MSRB3: variants seen among roughly 807,000 people sequenced by gnomAD.
MSRB3 encodes the protein methionine sulfoxide reductase B3.
MSRB3 carries 13 observed loss-of-function variants against 21.0 expected under a neutral mutation model. That is an observed-to-expected ratio of 0.62 (90% confidence interval 0.40 to 0.98). The LOEUF is 0.98. Ranked by LOEUF, MSRB3 falls within the 50% of genes least tolerant of loss-of-function variation. The pLI is 0.00. For synonymous variants in MSRB3, 87 were observed against 88.6 expected (o/e 0.98, Z 0.10); for missense variants, 199 against 230.3 (o/e 0.86, Z 0.88).
At chr12:65,324,523 T>A (rs1025566864) in intron 2 of MSRB3, among the ~76,000 whole-genome samples, 1 of 152,224 alleles carries the variant, frequency 6.6e-6, no homozygotes, top group Admixed American at 6.5e-5. Context: ...AAAGCTTTTA[T>A]GTTTGTATTA....
intron 5 of MSRB3, among the ~76,000 whole-genome samples, chr12:65,413,577 T>C (rs1261375504): frequency 6.6e-6 from 1 of 152,156 alleles, no homozygotes; most frequent in Non-Finnish European, 1.5e-5. Context: ...TCATCCCTCA[T>C]TCAGTAATCC....
chr12:65,397,500 A>T (rs1879877817), intron 5 of MSRB3, among the ~76,000 whole-genome samples: 1 of 151,044 alleles, frequency 6.6e-6, no homozygotes, highest in African/African-American at 2.4e-5. Flanking sequence ...GTTTTCCATT[A>T]TTTTCCTGCC....
At chr12:65,354,418 C>T (rs12305086) in intron 4 of MSRB3, among the ~76,000 whole-genome samples, 6,412 of 151,968 alleles carry the variant, frequency 0.042, 439 homozygotes, top group African/African-American at 0.15. Flanking sequence ...AGGCTTTGTT[C>T]GTTTCTTTTT....
intron 5 of MSRB3, among the ~76,000 whole-genome samples, chr12:65,416,247 T>A (rs1880966579): frequency 6.6e-6 from 1 of 152,168 alleles, no homozygotes; most frequent in African/African-American, 2.4e-5. Flanking sequence ...TAGCTCCATA[T>A]CATTCTTGCC....
At chr12:65,454,064 A>C in intron 6 of MSRB3, 1 of 635,370 alleles carries the variant, frequency 1.6e-6, no homozygotes, top group Non-Finnish European at 2.8e-6. Context: ...GGGGAGGATC[A>C]CTTGAGGCCA....
chr12:65,289,217 G>T (rs1219213470), intron 1 of MSRB3, among the ~76,000 whole-genome samples: 1 of 152,174 alleles, frequency 6.6e-6, no homozygotes, highest in Non-Finnish European at 1.5e-5. Flanking sequence ...GTTATTGGCC[G>T]GGCGTGGTGG....
chr12:65,438,738 A>G (rs1268133626), intron 5 of MSRB3, among the ~76,000 whole-genome samples: 1 of 151,774 alleles, frequency 6.6e-6, no homozygotes, highest in East Asian at 1.9e-4. Flanking sequence ...AGGATATAGC[A>G]TCTTGATATG....
intron 1 of MSRB3, among the ~76,000 whole-genome samples, chr12:65,287,020 C>CAAAAAA (rs35236078): frequency 5.2e-5 from 3 of 57,156 alleles, no homozygotes; most frequent in African/African-American, 7.4e-5. Context: ...GACCCTTTCT[C>CAAAAAA]AAAAAAAAAA....
At chr12:65,299,562 A>G (rs1213200783) in intron 1 of MSRB3, among the ~76,000 whole-genome samples, 14 of 152,240 alleles carry the variant, frequency 9.2e-5, no homozygotes, top group Admixed American at 7.9e-4. Flanking sequence ...ATTTTCCACA[A>G]CTTAGTATCA....
At chr12:65,322,363 A>G (rs1874727791) in intron 2 of MSRB3, among the ~76,000 whole-genome samples, 1 of 152,188 alleles carries the variant, frequency 6.6e-6, no homozygotes, top group African/African-American at 2.4e-5. Flanking sequence ...TTTTCCTGAC[A>G]AAATATGATG....
At chr12:65,287,191 C>T (rs1565814961) in intron 1 of MSRB3, among the ~76,000 whole-genome samples, 1 of 147,632 alleles carries the variant, frequency 6.8e-6, no homozygotes, top group African/African-American at 2.5e-5. Context: ...TCATAGCACA[C>T]TGCACACTGT....
At chr12:65,280,841 T>A (rs1422402642) in intron 1 of MSRB3, among the ~76,000 whole-genome samples, 1 of 152,230 alleles carries the variant, frequency 6.6e-6, no homozygotes, top group Non-Finnish European at 1.5e-5. Context: ...CAGAAATCCT[T>A]GCTATTTTGC....
chr12:65,384,124 T>C (rs1879090192), intron 5 of MSRB3, among the ~76,000 whole-genome samples: 1 of 152,254 alleles, frequency 6.6e-6, no homozygotes, highest in South Asian at 2.1e-4. Flanking sequence ...TAATATTTTA[T>C]GCATTTTCAA....
intron 1 of MSRB3, among the ~76,000 whole-genome samples, chr12:65,292,242 G>T (rs1384261423): frequency 3.3e-5 from 5 of 152,044 alleles, no homozygotes; most frequent in Non-Finnish European, 7.4e-5. Context: ...TTTTCTCTTG[G>T]TTTCTGTTAT....
At chr12:65,290,367 C>T (rs936998357) in intron 1 of MSRB3, among the ~76,000 whole-genome samples, 2 of 152,166 alleles carry the variant, frequency 1.3e-5, no homozygotes, top group Admixed American at 6.5e-5. Context: ...CATTCCACTA[C>T]TTTGACTCCT....
intron 5 of MSRB3, among the ~76,000 whole-genome samples, chr12:65,440,676 TAGGTGCCCAC>T (rs1374369111): frequency 6.6e-6 from 1 of 151,944 alleles, no homozygotes; most frequent in Non-Finnish European, 1.5e-5. Flanking sequence ...AGAGATTTCA[TAGGTGCCCAC>T]AGTATACTAC....
At chr12:65,327,011 C>A in intron 3 of MSRB3, 77 bp downstream of exon 3, 2 of 1,054,090 alleles carry the variant, frequency 1.9e-6, no homozygotes, top group East Asian at 2.5e-5. Context: ...TTTTCCTTGC[C>A]AATTAATTTA....
At chr12:65,359,590 A>G (rs539636431) in intron 4 of MSRB3, among the ~76,000 whole-genome samples, 3 of 152,266 alleles carry the variant, frequency 2.0e-5, no homozygotes, top group East Asian at 1.9e-4. Flanking sequence ...TGCATTGGAA[A>G]TTGTCACAAA....
chr12:65,382,089 C>T (rs1005417770), intron 5 of MSRB3, among the ~76,000 whole-genome samples: 28 of 152,050 alleles, frequency 1.8e-4, no homozygotes, highest in African/African-American at 6.0e-4. Flanking sequence ...CAAATATCAT[C>T]CCTTTCTTCA....
Sources: allele counts gnomAD v4.1 joint callset (sites outside exome capture counted in the v4.1 genomes callset), GRCh38; gene constraint gnomAD v4.1.1; transcripts MANE v1.5; gene names NCBI Gene and HGNC (gene_info 2026-07-23, HGNC 2026-07-21).